NCOA2: variants seen among roughly 807,000 people sequenced by gnomAD.
NCOA2 encodes the protein class E basic helix-loop-helix protein 75.
NCOA2 carries 21 observed loss-of-function variants against 145.1 expected under a neutral mutation model. The observed-to-expected ratio is 0.14, with a 90% CI of 0.10 to 0.21. The LOEUF is 0.21. NCOA2 is among the 10% of genes least tolerant of loss of function. The pLI is 1.00. For synonymous variants in NCOA2, 619 were observed against 637.5 expected, an observed-to-expected ratio of 0.97 and a Z score of 0.44; for missense variants, 1,472 against 1,837.6, an observed-to-expected ratio of 0.80 and a Z score of 3.64.
At chr8:70,424,176 A>C in the NCOA2 span, 1 of 259,798 alleles carries the variant, frequency 3.8e-6, no homozygotes, top group Non-Finnish European at 7.5e-6. Flanking sequence ...CAGTGGTCTT[A>C]ATGTGCTGGC....
intron 1 of NCOA2, among the ~76,000 whole-genome samples, chr8:70,335,346 A>C (rs529345588): frequency 1.1e-4 from 16 of 152,018 alleles, no homozygotes; most frequent in Admixed American, 2.0e-4. Flanking sequence ...AGCAGAACTG[A>C]GCTGGTTTGT....
intron 1 of NCOA2, among the ~76,000 whole-genome samples, chr8:70,369,132 G>A (rs1357232639): frequency 2.0e-5 from 3 of 152,142 alleles, no homozygotes; most frequent in African/African-American, 7.2e-5. Flanking sequence ...AATGCTATGT[G>A]ATTTTCTATC....
intron 4 of NCOA2, among the ~76,000 whole-genome samples, chr8:70,178,940 T>C (rs2132896378): frequency 6.6e-6 from 1 of 152,276 alleles, no homozygotes; most frequent in East Asian, 1.9e-4. Flanking sequence ...AACAACAAAG[T>C]TGTTCACAAG....
rs974916081 is a variant in NCOA2, at chr8:70,378,134, T to C, written c.-77+25566A>G. Reference sequence around the variant, plus strand: ...CTTAAGAGATACCGCTTACACAGCATATAAACCACCTTGAATAAAATAGCC... The same window carrying C: ...CTTAAGAGATACCGCTTACACAGCACATAAACCACCTTGAATAAAATAGCC... On this transcript the variant is annotated intron_variant, in intron 1 of 22. Coordinates refer to ENST00000452400, the MANE Select transcript of NCOA2 (RefSeq NM_006540.4). Among the ~76,000 whole-genome samples the C allele has an allele frequency of 3.9e-5, 6 of 152,188 alleles. No individual in the cohort carries two copies. The South Asian group carries it at 6.2e-4, about 16-fold the overall frequency.
At chr8:70,448,805 C>CTT in the NCOA2 span, among the ~76,000 whole-genome samples, 1 of 143,694 alleles carries the variant, frequency 7.0e-6, no homozygotes, top group Non-Finnish European at 1.5e-5. Flanking sequence ...TGTTGCCTGG[C>CTT]TTTTTTTTTT....
chr8:70,329,039 TG>T (rs1473038723), intron 1 of NCOA2, among the ~76,000 whole-genome samples: 12 of 152,080 alleles, frequency 7.9e-5, no homozygotes, highest in Non-Finnish European at 1.0e-4. Flanking sequence ...CACTACAGCC[TG>T]AACTCCTGGG....
intron 1 of NCOA2, among the ~76,000 whole-genome samples, chr8:70,381,999 G>A (rs1174705409): frequency 6.6e-6 from 1 of 152,106 alleles, no homozygotes; most frequent in Non-Finnish European, 1.5e-5. Flanking sequence ...ATAGAGGAGC[G>A]AGACTGATAC....
chr8:70,291,982 G>A (rs1457873457), intron 2 of NCOA2, among the ~76,000 whole-genome samples: 2 of 151,574 alleles, frequency 1.3e-5, no homozygotes, highest in African/African-American at 2.4e-5. Flanking sequence ...GGCTGAGGCA[G>A]GAGAATGGCA....
Position 70,157,181 on chromosome 8 carries a change from A to G in NCOA2, c.1184T>C (p.Leu395Pro), listed in dbSNP as rs759059132. ...DLTGQTMGKP[L>P]NPISSNSPAH... ...AGGGCTGTTAGAGCTAATTGGATTCAGTGGCTTCCCCATCGTTTGTCCAGT... is the reference window on the plus strand; with the variant it reads ...AGGGCTGTTAGAGCTAATTGGATTCGGTGGCTTCCCCATCGTTTGTCCAGT... Residue 395 changes from leucine to proline, a missense_variant, in exon 11 of 23, where the codon CTG (leucine) becomes CCG (proline). Around this residue, in one of 4 missense-constraint regions of NCOA2, gnomAD observed 953 missense variants for 1,062.1 expected, o/e 0.90. Transcript: ENST00000452400. 10 of 1,597,684 alleles carry G rather than the reference A, an allele frequency of 6.3e-6. No homozygotes were observed. In the African/African-American group the frequency reaches 1.1e-4, roughly 17 times the overall value.
the NCOA2 span, among the ~76,000 whole-genome samples, chr8:70,425,747 A>G: frequency 6.6e-6 from 1 of 152,174 alleles, no homozygotes; most frequent in Non-Finnish European, 1.5e-5. Flanking sequence ...GACAGAACGC[A>G]AGGGAGAAGA....
chr8:70,269,932 T>G (rs1824909946), intron 2 of NCOA2, among the ~76,000 whole-genome samples: 1 of 152,186 alleles, frequency 6.6e-6, no homozygotes. Flanking sequence ...ACATACTACT[T>G]TAATTGACTA....
At chr8:70,135,101 G>A (rs1809580310) in intron 15 of NCOA2, among the ~76,000 whole-genome samples, 1 of 152,046 alleles carries the variant, frequency 6.6e-6, no homozygotes, top group South Asian at 2.1e-4. Context: ...CCTTCCCTGT[G>A]AGCTCCAGCT....
chr8:70,299,771 A>G (rs866865713), intron 1 of NCOA2, among the ~76,000 whole-genome samples: 1 of 152,238 alleles, frequency 6.6e-6, no homozygotes, highest in South Asian at 2.1e-4. Flanking sequence ...TACACAATGC[A>G]ATTTTATCCC....
chr8:70,252,743 T>C (rs1394962060), intron 2 of NCOA2, among the ~76,000 whole-genome samples: 4 of 152,222 alleles, frequency 2.6e-5, no homozygotes, highest in South Asian at 2.1e-4. Context: ...ATTAGACTAA[T>C]TAATGTTTTC....
chr8:70,181,007 G>T (rs185714964), intron 4 of NCOA2, among the ~76,000 whole-genome samples: 1 of 152,234 alleles, frequency 6.6e-6, no homozygotes, highest in Admixed American at 6.5e-5. Context: ...TTAAAAAAAG[G>T]CCTTTACATA....
At chr8:70,329,609 A>T (rs1806899247) in intron 1 of NCOA2, among the ~76,000 whole-genome samples, 2 of 152,132 alleles carry the variant, frequency 1.3e-5, no homozygotes. Context: ...AAAAAACACA[A>T]ATAGGAATGT....
intron 1 of NCOA2, among the ~76,000 whole-genome samples, chr8:70,380,271 C>A (rs1277325081): frequency 6.6e-6 from 1 of 152,154 alleles, no homozygotes; most frequent in African/African-American, 2.4e-5. Context: ...CTATGCACTT[C>A]ATAATACTTT....
At chr8:70,402,235 G>A (rs1439069111) in intron 1 of NCOA2, 1 of 152,446 alleles carries the variant, frequency 6.6e-6, no homozygotes, top group Non-Finnish European at 1.5e-5. Flanking sequence ...CGAGATTCGG[G>A]TCGGTGGGAG....
At chr8:70,435,396 G>T in the NCOA2 span, among the ~76,000 whole-genome samples, 1 of 118,754 alleles carries the variant, frequency 8.4e-6, no homozygotes, top group African/African-American at 3.3e-5. Context: ...CTGCAGTCCA[G>T]CTTGGGCGAA....
Sources: allele counts gnomAD v4.1 joint callset (sites outside exome capture counted in the v4.1 genomes callset), GRCh38; gene constraint gnomAD v4.1.1; regional missense constraint gnomAD v4.1.1; transcripts MANE v1.5; gene names NCBI Gene and HGNC (gene_info 2026-07-23, HGNC 2026-07-21).